PTPA: variants seen among roughly 807,000 people sequenced by gnomAD.
The protein encoded by PTPA is serine/threonine-protein phosphatase 2A activator.
Under a neutral mutation model 43.6 loss-of-function variants are expected in PTPA, and 13 were observed. That is an observed-to-expected ratio of 0.30 (90% CI 0.19 to 0.47). The LOEUF is 0.47. Ranked by LOEUF, PTPA falls within the 20% of genes least tolerant of loss-of-function variation. The probability of loss-of-function intolerance (pLI) is 0.99; values close to 1 mark genes in which losing one functional copy is unlikely to be tolerated. For missense variants in PTPA, 329 were observed against 411.9 expected (o/e 0.80, Z 1.74); for synonymous variants, 172 against 158.2 (o/e 1.09, Z -0.66).
chr9:129,117,339 G>T (rs1364580495), intron 1 of PTPA, among the ~76,000 whole-genome samples: 4 of 152,190 alleles, frequency 2.6e-5, no homozygotes, highest in African/African-American at 9.7e-5. Flanking sequence ...GAGGCACTGT[G>T]CCTGGCCTAG....
At position 129,134,869 on chromosome 9, in the gene PTPA, G is replaced by C. The variant is rs1024704101; in HGVS notation, c.535G>C (p.Ala179Pro). Residue 179 changes from alanine to proline, a missense_variant, in exon 6 of 10, where the codon GCT becomes CCT. Transcript: ENST00000393370. Reference sequence around the variant, plus strand: ...GGTGCTCCGGGTGGATGACCAAATAGCTATTGTCTTCAAGGTGTTCAATCG... The same window carrying C: ...GGTGCTCCGGGTGGATGACCAAATACCTATTGTCTTCAAGGTGTTCAATCG... ...IGVLRVDDQIAIVFKVFNRYL... is the reference protein window; with the variant it reads ...IGVLRVDDQIPIVFKVFNRYL... The C allele has an allele frequency of 1.2e-6, 2 of 1,613,804 alleles. No individual in the cohort carries two copies. The highest frequency in any genetic ancestry group is 2.7e-5 in the African/African-American group (2 of 75,018).
Position 129,120,584 on chromosome 9 carries a change from G to C in PTPA, c.103G>C (p.Asp35His). 1 of 1,613,638 alleles carries C rather than the reference G, an allele frequency of 6.2e-7. No homozygotes were observed. The highest frequency in any genetic ancestry group is 1.7e-4 in the Middle Eastern group (1 of 6,056). The change falls in exon 2 of 10, where the codon GAC (aspartate) becomes CAC (histidine). Residue 35 changes from aspartate to histidine, a missense_variant. Coordinates refer to ENST00000393370, the MANE Select transcript of PTPA (RefSeq NM_178000.3). ...AAAAAAGGAGATCCACACAGTTCCA[G>C]ACATGGGCAAATGGAAGCGTTCTCA... ...IPKKEIHTVP[D>H]MGKWKRSQAY...
At chr9:129,128,687 G>C (rs1386369640) in intron 3 of PTPA, among the ~76,000 whole-genome samples, 1 of 152,190 alleles carries the variant, frequency 6.6e-6, no homozygotes, top group Non-Finnish European at 1.5e-5. Flanking sequence ...AAAGATGTCA[G>C]GGCTGGAGTT....
At chr9:129,118,618 AC>A (rs1394216885) in intron 1 of PTPA, among the ~76,000 whole-genome samples, 1 of 148,912 alleles carries the variant, frequency 6.7e-6, no homozygotes, top group Non-Finnish European at 1.5e-5. Flanking sequence ...GGTGTGATCC[AC>A]CCACTTTGGC....
At position 129,120,497 on chromosome 9, in the gene PTPA, A is replaced by AT. The variant is rs535595103; in HGVS notation, c.32-7dup. On this transcript the variant is annotated splice_polypyrimidine_tract_variant and intron_variant, in intron 1 of 9. Coordinates refer to ENST00000393370, the MANE Select transcript of PTPA (RefSeq NM_178000.3). Reference sequence around the variant, plus strand: ...ATTCTATTTATCTGTTTGTTTTTTCATTTTTTTTTGTCAAGATTCTTCAGA... The same window carrying AT: ...ATTCTATTTATCTGTTTGTTTTTTCATTTTTTTTTTGTCAAGATTCTTCAGA... The AT allele has an allele frequency of 8.7e-3, 13,040 of 1,496,568 alleles. 63 individuals carry two copies. The highest frequency in any genetic ancestry group is 0.01 in the Non-Finnish European group (11,463 of 1,093,044). 92.7% of individuals were successfully genotyped at this position (1,496,568 alleles called of 1,614,324 possible).
At chr9:129,122,037 A>G (rs1318984064) in intron 2 of PTPA, among the ~76,000 whole-genome samples, 1 of 152,218 alleles carries the variant, frequency 6.6e-6, no homozygotes, top group African/African-American at 2.4e-5. Flanking sequence ...AAAGGGATGA[A>G]GAAGAAACAA....
intron 4 of PTPA, among the ~76,000 whole-genome samples, chr9:129,130,160 A>G (rs921394130): frequency 2.0e-5 from 3 of 152,344 alleles, no homozygotes; most frequent in South Asian, 4.1e-4. Flanking sequence ...ATAAAAATGC[A>G]GGATCTCAGA....
intron 9 of PTPA, among the ~76,000 whole-genome samples, chr9:129,144,437 A>G (rs757378992): frequency 6.6e-6 from 1 of 152,086 alleles, no homozygotes; most frequent in Non-Finnish European, 1.5e-5. Context: ...GAACTCCCTG[A>G]CTTTAAGATC....
intron 8 of PTPA, 54 bp from the exon 9 acceptor site, chr9:129,142,391 G>T (rs1850938762): frequency 1.3e-6 from 2 of 1,502,266 alleles, no homozygotes; most frequent in African/African-American, 1.4e-5. Flanking sequence ...AGGGGAGGAG[G>T]GATGAGCTCC....
At chr9:129,132,506 T>TATTTATTTA (rs1171526504) in intron 5 of PTPA, among the ~76,000 whole-genome samples, 1 of 152,002 alleles carries the variant, frequency 6.6e-6, no homozygotes, top group Non-Finnish European at 1.5e-5. Context: ...CCTGGCAATT[T>TATTTATTTA]ATTTATTTAT....
At chr9:129,114,602 A>T (rs1454407079) in intron 1 of PTPA, among the ~76,000 whole-genome samples, 1 of 152,212 alleles carries the variant, frequency 6.6e-6, no homozygotes, top group Non-Finnish European at 1.5e-5. Flanking sequence ...TCAAAGTTTC[A>T]AAGTTGTACA....
At chr9:129,124,936 G>A (rs1849481359) in intron 3 of PTPA, among the ~76,000 whole-genome samples, 1 of 152,240 alleles carries the variant, frequency 6.6e-6, no homozygotes, top group Non-Finnish European at 1.5e-5. Context: ...CCTAGGTCCT[G>A]TTCTGTCCAC....
At chr9:129,125,329 G>A (rs938639938) in intron 3 of PTPA, among the ~76,000 whole-genome samples, 1 of 151,212 alleles carries the variant, frequency 6.6e-6, no homozygotes, top group Admixed American at 6.6e-5. Context: ...TTGGCTCACT[G>A]CAGCCTCCAC....
At chr9:129,133,010 C>T (rs1850085909) in intron 5 of PTPA, among the ~76,000 whole-genome samples, 2 of 152,132 alleles carry the variant, frequency 1.3e-5, no homozygotes, top group Admixed American at 1.3e-4. Context: ...TGCTGAGACC[C>T]CATCTCTCAA....
Position 129,147,637 on chromosome 9 carries a change from G to A in PTPA, c.*173G>A. ...GGGGCTCAGAGCATAAGGCTTCAGG[G>A]CCCAAGTTGGGAGAAGTGACCAAAG... On this transcript the variant is annotated 3_prime_UTR_variant, in exon 10 of 10. Transcript: ENST00000393370. 1.5e-6 allele frequency: 1 copy of A among 688,348 alleles called. No individual in the cohort carries two copies. Among genetic ancestry groups the A allele is most frequent in the Non-Finnish European group, 2.4e-6 (1 of 417,980 alleles). 42.6% of individuals were successfully genotyped at this position (688,348 alleles called of 1,614,324 possible). A position where few individuals can be genotyped will look rare whatever the true frequency, so the allele number is the denominator to read the frequency against.
At chr9:129,135,005 C>T in intron 6 of PTPA, 111 bp downstream of exon 6, 2 of 857,652 alleles carry the variant, frequency 2.3e-6, no homozygotes, top group South Asian at 3.2e-5. Context: ...TCATGGTTCT[C>T]TTGTCCTGTC....
At chr9:129,143,106 G>C (rs1851015226) in intron 9 of PTPA, 1 of 649,216 alleles carries the variant, frequency 1.5e-6, no homozygotes, top group African/African-American at 1.8e-5. Context: ...GGAGAGGAGA[G>C]CTGAGGCTTC....
rs181930045 is a variant in PTPA, at chr9:129,131,045, C to T, written c.343-477C>T. ...TTGTATGAATATACCACAATTTATT[C>T]ATTTCACTGTTGATGGACATTTCCA... On this transcript the variant is annotated intron_variant, in intron 4 of 9. Transcript: ENST00000393370. 2.6e-3 allele frequency among the ~76,000 whole-genome samples: 400 copies of T among 152,278 alleles called. 4 individuals are homozygous for T. The highest frequency in any genetic ancestry group is 9.1e-3 in the African/African-American group (378 of 41,550).
chr9:129,137,070 C>T (rs1436494055), intron 7 of PTPA, among the ~76,000 whole-genome samples: 1 of 152,224 alleles, frequency 6.6e-6, no homozygotes, highest in East Asian at 1.9e-4. Context: ...GAGAGGCCTG[C>T]TCTGGTGACT....
Sources: gnomAD v4.1 joint callset for allele counts (sites outside exome capture counted in the v4.1 genomes callset) on GRCh38, gnomAD v4.1.1 for gene constraint, MANE v1.5 for transcripts, NCBI Gene and HGNC (gene_info 2026-07-23, HGNC 2026-07-21) for gene names.